The following PTK7 variants were observed in gnomAD, a reference collection of about 807,000 sequenced individuals.
The protein encoded by PTK7 is inactive tyrosine-protein kinase 7.
Under a neutral mutation model 116.6 loss-of-function variants are expected in PTK7, and 39 were observed. The observed-to-expected ratio is 0.33, with a 90% CI of 0.26 to 0.44. PTK7 has a LOEUF of 0.44. Ranked by LOEUF, PTK7 falls within the 20% of genes least tolerant of loss-of-function variation. The pLI is 1.00. For synonymous variants in PTK7, 546 were observed against 563.6 expected (o/e 0.97, Z 0.44); for missense variants, 1,169 against 1,425.6 (o/e 0.82, Z 2.90).
chr6:43,159,990 A>G lies in PTK7; in HGVS notation c.3052+24A>G, dbSNP rs199939861. On this transcript the variant is annotated intron_variant, in intron 19 of 19. Coordinates refer to ENST00000230419, the MANE Select transcript of PTK7 (RefSeq NM_002821.5). ...AGGTAGGCAGCCTTGCTGCTAGGGG[A>G]TGATTCCAGATGGGCCCCAGATGGG... 1.1e-3 allele frequency: 1,758 copies of G among 1,600,840 alleles called. 3 individuals are homozygous for G. The highest frequency in any genetic ancestry group is 1.4e-3 in the Non-Finnish European group (1,629 of 1,172,918).
chr6:43,139,632 T>A lies in PTK7; in HGVS notation c.1618+107T>A. ...GCACTGTGCCAGGAAATGTGGAGAT[T>A]AGACAAGCAGTGCAGGGCTGATGTA... On this transcript the variant is annotated intron_variant, in intron 10 of 19. Transcript: ENST00000230419. This position sits in a 1 kb window ranked among gnomAD's most constrained non-coding sequence, Gnocchi z 4.6. 6.6e-7 allele frequency: 1 copy of A among 1,520,932 alleles called. No homozygotes were observed. Among genetic ancestry groups the A allele is most frequent in the Non-Finnish European group, 8.9e-7 (1 of 1,129,072 alleles). The allele number at this position is 1,520,932 out of a possible 1,614,324, so 94.2% of individuals were successfully genotyped here.
At position 43,160,914 on chromosome 6, in the gene PTK7, G is replaced by A. The variant is rs779958012; in HGVS notation, c.*33G>A. 1 of 1,608,758 alleles carries A rather than the reference G, an allele frequency of 6.2e-7. No homozygotes were observed. Among genetic ancestry groups the A allele is most frequent in the Middle Eastern group, 1.9e-4 (1 of 5,168 alleles). On this transcript the variant is annotated 3_prime_UTR_variant, in exon 20 of 20. Coordinates refer to ENST00000230419, the MANE Select transcript of PTK7 (RefSeq NM_002821.5). ...GCCCGCTCAGGATGGCCTGGGCAGG[G>A]GAGGACATCTCTAGAGGGAAGCTCA... is the stretch of plus-strand genomic sequence containing the variant.
intron 1 of PTK7, among the ~76,000 whole-genome samples, chr6:43,127,256 C>T: frequency 6.6e-6 from 1 of 152,212 alleles, no homozygotes; most frequent in African/African-American, 2.4e-5. Flanking sequence ...TGGCCCATTT[C>T]TTCTTCCGGG....
chr6:43,130,699 C>T lies in PTK7; in HGVS notation c.812+38C>T, dbSNP rs1258052148. ...GCTGGGAGCATTCCAGTACCATGTA[C>T]CACACACATGCATTCTGTAGAAGGG... On this transcript the variant is annotated intron_variant, in intron 5 of 19. Coordinates refer to ENST00000230419, the MANE Select transcript of PTK7 (RefSeq NM_002821.5). The T allele has an allele frequency of 2.5e-6, 4 of 1,606,924 alleles. No individual in the cohort carries two copies. The East Asian group carries it at 6.7e-5, about 27-fold the overall frequency.
intron 1 of PTK7, among the ~76,000 whole-genome samples, chr6:43,089,950 G>A (rs968804392): frequency 6.6e-6 from 1 of 152,264 alleles, no homozygotes; most frequent in Admixed American, 6.5e-5. Flanking sequence ...AGAGGCTGGG[G>A]TGCTCTCAGG....
intron 1 of PTK7, among the ~76,000 whole-genome samples, chr6:43,106,188 G>A (rs1767878940): frequency 6.6e-6 from 1 of 151,936 alleles, no homozygotes; most frequent in Non-Finnish European, 1.5e-5. Flanking sequence ...CTCTTGGTGG[G>A]CTTCCTTCTC....
intron 7 of PTK7, among the ~76,000 whole-genome samples, chr6:43,135,664 T>A (rs75237883): frequency 0.044 from 6,663 of 152,032 alleles, 205 homozygotes; most frequent in Non-Finnish European, 0.069. Flanking sequence ...GTGGCTTGAG[T>A]TGAATAAACG....
intron 1 of PTK7, among the ~76,000 whole-genome samples, chr6:43,101,655 G>A (rs1302703782): frequency 1.4e-4 from 22 of 152,136 alleles, no homozygotes; most frequent in Admixed American, 1.4e-3. Context: ...GCTTTGTAGA[G>A]ACTGTCACAG....
intron 7 of PTK7, among the ~76,000 whole-genome samples, chr6:43,136,530 G>A (rs1469421476): frequency 6.6e-6 from 1 of 152,176 alleles, no homozygotes; most frequent in Non-Finnish European, 1.5e-5. Context: ...TCTGGCAGTT[G>A]ACTGGGGCTA....
At position 43,146,734 on chromosome 6, in the gene PTK7, G is replaced by A. The variant is rs746358779; in HGVS notation, c.2721+36G>A. 4.4e-6 allele frequency: 7 copies of A among 1,590,772 alleles called. No individual in the cohort carries two copies. The African/African-American group carries it at 6.7e-5, about 15-fold the overall frequency. ...GGAGTGAAGGAGGGAGGGAGAGGGT[G>A]CCCAGGGGTGGGCCAGGAGCAACAG... On this transcript the variant is annotated intron_variant, in intron 17 of 19. Coordinates refer to ENST00000230419, the MANE Select transcript of PTK7 (RefSeq NM_002821.5).
intron 18 of PTK7, 82 bp downstream of exon 18, chr6:43,159,050 G>A: frequency 6.4e-7 from 1 of 1,554,678 alleles, no homozygotes; most frequent in Non-Finnish European, 8.8e-7. Flanking sequence ...TGGGGGGTGT[G>A]GGAAAGGGTT....
At chr6:43,077,792 G>A (rs1051383554) in intron 1 of PTK7, among the ~76,000 whole-genome samples, 1 of 152,226 alleles carries the variant, frequency 6.6e-6, no homozygotes, top group Non-Finnish European at 1.5e-5. Flanking sequence ...CAGCTGTGGA[G>A]GGGTTTTGGT....
intron 17 of PTK7, among the ~76,000 whole-genome samples, chr6:43,148,317 A>T (rs947547146): frequency 6.6e-6 from 1 of 152,110 alleles, no homozygotes; most frequent in African/African-American, 2.4e-5. Flanking sequence ...TCTAGTGAGG[A>T]GATTAGGTAC....
At chr6:43,135,965 G>A (rs1028991892) in intron 7 of PTK7, among the ~76,000 whole-genome samples, 1 of 152,114 alleles carries the variant, frequency 6.6e-6, no homozygotes, top group African/African-American at 2.4e-5. Context: ...CGAGGCAGGT[G>A]GATCACGAGG....
chr6:43,087,337 G>A (rs1766716065), intron 1 of PTK7, among the ~76,000 whole-genome samples: 1 of 152,222 alleles, frequency 6.6e-6, no homozygotes, highest in South Asian at 2.1e-4. Context: ...CTTGGGAAGA[G>A]TGGGCCGCAG....
chr6:43,094,880 A>G (rs913400364), intron 1 of PTK7, among the ~76,000 whole-genome samples: 4 of 151,674 alleles, frequency 2.6e-5, no homozygotes, highest in Non-Finnish European at 1.5e-5. Context: ...CCCTGTCTCT[A>G]CTGAAAATAC....
chr6:43,126,294 T>G (rs1478930908), intron 1 of PTK7, among the ~76,000 whole-genome samples: 1 of 152,006 alleles, frequency 6.6e-6, no homozygotes, highest in African/African-American at 2.4e-5. Context: ...CACTCCAGCG[T>G]GGGTGGCAGA....
chr6:43,154,659 G>C (rs2150475856), intron 17 of PTK7, among the ~76,000 whole-genome samples: 1 of 152,290 alleles, frequency 6.6e-6, no homozygotes, highest in South Asian at 2.1e-4. Flanking sequence ...GGGCTCACAG[G>C]GATGTCACTG....
chr6:43,090,778 A>G (rs1366980056), intron 1 of PTK7, among the ~76,000 whole-genome samples: 4 of 152,212 alleles, frequency 2.6e-5, no homozygotes, highest in African/African-American at 9.7e-5. Flanking sequence ...TTCTACTCCC[A>G]GGACCTGAAA....
Sources: allele counts gnomAD v4.1 joint callset (sites outside exome capture counted in the v4.1 genomes callset), GRCh38; gene constraint gnomAD v4.1.1; non-coding constraint Gnocchi (gnomAD v3.1); transcripts MANE v1.5; gene names NCBI Gene and HGNC (gene_info 2026-07-23, HGNC 2026-07-21).